TBL1XR1: variants seen among roughly 807,000 people sequenced by gnomAD.
TBL1XR1 encodes the protein F-box-like/WD repeat-containing protein TBL1XR1.
In TBL1XR1, 5 loss-of-function variants were observed where a neutral mutation model predicts 66.9. The ratio of observed to expected loss-of-function variants is 0.07; its 90% CI spans 0.04 to 0.16. The LOEUF is 0.16. TBL1XR1 is among the 10% of genes least tolerant of loss of function. TBL1XR1 has a pLI of 1.00. For synonymous variants in TBL1XR1, 210 were observed against 206.0 expected, an observed-to-expected ratio of 1.02 and a Z score of -0.17; for missense variants, 238 against 623.2, an observed-to-expected ratio of 0.38 and a Z score of 6.58.
At chr3:177,181,920 TTCAGGTTTAACTGCTACGG>T (rs538181184) in intron 1 of TBL1XR1, among the ~76,000 whole-genome samples, 179 of 152,018 alleles carry the variant, frequency 1.2e-3, no homozygotes, top group African/African-American at 4.2e-3. Flanking sequence ...AACACCCCAA[TTCAGGTTTAACTGCTACGG>T]TCAGGCCAAG....
At chr3:177,166,922 T>C (rs1042720682) in intron 1 of TBL1XR1, among the ~76,000 whole-genome samples, 2 of 152,168 alleles carry the variant, frequency 1.3e-5, no homozygotes, top group Non-Finnish European at 2.9e-5. Context: ...TACCGCCACT[T>C]TGGGAGACAG....
intron 1 of TBL1XR1, among the ~76,000 whole-genome samples, chr3:177,172,735 C>A (rs1208639210): frequency 6.6e-6 from 1 of 150,982 alleles, no homozygotes; most frequent in Non-Finnish European, 1.5e-5. Flanking sequence ...CCAAGCCAAG[C>A]CAAGCCATAG....
At chr3:177,074,914 T>A (rs1244254511) in intron 2 of TBL1XR1, among the ~76,000 whole-genome samples, 2 of 152,062 alleles carry the variant, frequency 1.3e-5, no homozygotes, top group African/African-American at 4.8e-5. Flanking sequence ...CACAACACGG[T>A]TTAGGAATTT....
intron 2 of TBL1XR1, among the ~76,000 whole-genome samples, chr3:177,068,844 T>C (rs756513578): frequency 6.6e-6 from 1 of 152,210 alleles, no homozygotes. Flanking sequence ...TTCTTAAATC[T>C]CCTAGCTATA....
chr3:177,026,679 TCA>T (rs886977521), intron 14 of TBL1XR1: 2 of 480,396 alleles, frequency 4.2e-6, no homozygotes, highest in African/African-American at 4.1e-5. Context: ...AAAAGATTAC[TCA>T]CACACATATT....
intron 1 of TBL1XR1, among the ~76,000 whole-genome samples, chr3:177,146,779 C>CT (rs1276272820): frequency 1.3e-5 from 2 of 151,914 alleles, no homozygotes; most frequent in Non-Finnish European, 2.9e-5. Context: ...TAAAAGCTCA[C>CT]TTTGTTTGAG....
intron 2 of TBL1XR1, among the ~76,000 whole-genome samples, chr3:177,087,488 A>G (rs1019242013): frequency 6.6e-6 from 1 of 152,190 alleles, no homozygotes; most frequent in Non-Finnish European, 1.5e-5. Context: ...AGGTGCTAGT[A>G]AATCATAGAA....
rs1736979923 is a variant in TBL1XR1, at chr3:177,197,198, C to A, written c.-199G>T. 1.3e-5 allele frequency: 2 copies of A among 153,732 alleles called. No individual in the cohort carries two copies. The highest frequency in any genetic ancestry group is 2.9e-5 in the Non-Finnish European group (2 of 68,984). The allele number at this position is 153,732 out of a possible 1,614,324, so 9.5% of individuals were successfully genotyped here. ...AGGAAATTCCCCTCCTCGCCGCCGC[C>A]GCCACCGCCTCCAACCACCCCCAAA... On this transcript the variant is annotated 5_prime_UTR_variant, in exon 1 of 16. Transcript: ENST00000457928.
chr3:177,033,001 A>G lies in TBL1XR1; in HGVS notation c.1386T>C (p.Phe462=). 1 of 1,605,760 alleles carries G rather than the reference A, an allele frequency of 6.2e-7. No individual in the cohort carries two copies. Among genetic ancestry groups the G allele is most frequent in the Admixed American group, 1.7e-5 (1 of 58,860 alleles). Residue 462 remains phenylalanine, a synonymous_variant, in exon 14 of 16, where the codon TTT becomes TTC. Transcript: ENST00000457928. ...PDGRYLASGS[F]DKCVHIWNTQ... ...TGTTCCAGATGTGTACACATTTGTC[A>G]AAAGAACCACTTGCCAGATACCTGC... is the stretch of plus-strand genomic sequence containing the variant.
chr3:177,115,264 TA>T (rs796077501), intron 1 of TBL1XR1, among the ~76,000 whole-genome samples: 2 of 152,124 alleles, frequency 1.3e-5, no homozygotes, highest in African/African-American at 4.8e-5. Context: ...ATGTAACTGT[TA>T]AAAAAACTGA....
chr3:177,043,420 G>A (rs988820165), intron 10 of TBL1XR1, among the ~76,000 whole-genome samples: 6 of 151,906 alleles, frequency 3.9e-5, no homozygotes, highest in East Asian at 1.9e-4. Context: ...CTTTTTCCCT[G>A]TAAATCTTCT....
intron 1 of TBL1XR1, chr3:177,099,283 C>T (rs1044446733): frequency 6.6e-6 from 1 of 152,342 alleles, no homozygotes; most frequent in African/African-American, 2.4e-5. Context: ...AAGAGAATCC[C>T]TTGAACCCAG....
chr3:177,041,439 T>TC (rs930068113), intron 10 of TBL1XR1, among the ~76,000 whole-genome samples: 1 of 152,062 alleles, frequency 6.6e-6, no homozygotes, highest in African/African-American at 2.4e-5. Context: ...GCTTCTTCCC[T>TC]CCCCCCCATC....
At chr3:177,176,500 A>T (rs2108949581) in intron 1 of TBL1XR1, among the ~76,000 whole-genome samples, 1 of 150,344 alleles carries the variant, frequency 6.7e-6, no homozygotes, top group South Asian at 2.2e-4. Flanking sequence ...TAATTTTCTT[A>T]AATGCTAATA....
chr3:177,185,854 T>A (rs1040193498), intron 1 of TBL1XR1, among the ~76,000 whole-genome samples: 1 of 151,672 alleles, frequency 6.6e-6, no homozygotes, highest in Non-Finnish European at 1.5e-5. Flanking sequence ...AAATTAAAAA[T>A]AAAAAAATTG....
chr3:177,186,932 C>G (rs1209717888), intron 1 of TBL1XR1, among the ~76,000 whole-genome samples: 4 of 151,766 alleles, frequency 2.6e-5, no homozygotes, highest in African/African-American at 9.7e-5. Context: ...TTTGGGAGGC[C>G]GAGGCGGGCG....
At chr3:177,025,718 C>T (rs879734014) in intron 15 of TBL1XR1, among the ~76,000 whole-genome samples, 194 bp from the exon 16 acceptor site, 2 of 152,048 alleles carry the variant, frequency 1.3e-5, no homozygotes, top group Non-Finnish European at 2.9e-5. Flanking sequence ...AGAGAACAAC[C>T]ATGAGCTCAA....
chr3:177,131,345 A>G, intron 1 of TBL1XR1: 1 of 985,434 alleles, frequency 1.0e-6, no homozygotes, highest in South Asian at 4.7e-5. Flanking sequence ...GCAAGATGGG[A>G]AAGAGAATCA....
intron 1 of TBL1XR1, among the ~76,000 whole-genome samples, chr3:177,122,814 C>G (rs1187216698): frequency 6.6e-6 from 1 of 152,126 alleles, no homozygotes; most frequent in Non-Finnish European, 1.5e-5. Flanking sequence ...TCCACAAATA[C>G]CAAACAATGA....
Sources: allele counts gnomAD v4.1 joint callset (sites outside exome capture counted in the v4.1 genomes callset), GRCh38; gene constraint gnomAD v4.1.1; transcripts MANE v1.5; gene names NCBI Gene and HGNC (gene_info 2026-07-23, HGNC 2026-07-21).